Variants in PIK3CB observed in about 807,000 individuals in gnomAD.
The protein encoded by PIK3CB is phosphatidylinositol 4,5-bisphosphate 3-kinase catalytic subunit beta isoform.
A neutral mutation model predicts 136.8 loss-of-function variants in PIK3CB; 39 were observed. The ratio of observed to expected loss-of-function variants is 0.29; its 90% CI spans 0.22 to 0.37. The LOEUF is 0.37. Among genes scored for constraint, PIK3CB ranks in the 10% least tolerant of loss-of-function variants. PIK3CB has a pLI of 1.00. For synonymous variants in PIK3CB, 428 were observed against 436.6 expected (o/e 0.98, Z 0.25); for missense variants, 868 against 1,275.4 (o/e 0.68, Z 4.87).
Position 138,759,366 on chromosome 3 carries a change from A to G in PIK3CB, c.-16-7T>C. Reference sequence around the variant, plus strand: ...CATTCATAACCACGGGGCCCTAGAAATCAGTAATTAAAACATAGCAAAACA... The same window carrying G: ...CATTCATAACCACGGGGCCCTAGAAGTCAGTAATTAAAACATAGCAAAACA... On this transcript the variant is annotated splice_region_variant and splice_polypyrimidine_tract_variant and intron_variant, in intron 2 of 23. Transcript: ENST00000674063. The G allele has an allele frequency of 1.3e-6, 2 of 1,582,972 alleles. No homozygotes were observed. Among genetic ancestry groups the G allele is most frequent in the Non-Finnish European group, 1.7e-6 (2 of 1,158,700 alleles).
chr3:138,834,053 C>A (rs1004506304), intron 1 of PIK3CB, among the ~76,000 whole-genome samples: 2 of 152,190 alleles, frequency 1.3e-5, no homozygotes, highest in Admixed American at 6.5e-5. Context: ...CCCAAACGCA[C>A]GCCAGCAGCC....
At chr3:138,825,186 G>T in intron 1 of PIK3CB, 1 of 297,298 alleles carries the variant, frequency 3.4e-6, no homozygotes, top group South Asian at 6.6e-5. Context: ...ATGAAAATAT[G>T]AGAACAGCAA....
intron 1 of PIK3CB, among the ~76,000 whole-genome samples, chr3:138,830,898 T>C (rs1234095435): frequency 8.2e-6 from 1 of 122,466 alleles, no homozygotes; most frequent in African/African-American, 3.1e-5. Context: ...CGAAACTCCG[T>C]CTCAAAATAA....
At chr3:138,802,398 G>T (rs1249761004) in intron 1 of PIK3CB, among the ~76,000 whole-genome samples, 2 of 150,822 alleles carry the variant, frequency 1.3e-5, no homozygotes, top group Non-Finnish European at 3.0e-5. Context: ...AAGAAAGAAA[G>T]AAAGAAAAGG....
rs1279244386 is a variant in PIK3CB, at chr3:138,654,764, A to T, written c.*625T>A. 4.7e-6 allele frequency: 1 copy of T among 212,170 alleles called. No homozygotes were observed. Among genetic ancestry groups the T allele is most frequent in the Non-Finnish European group, 9.6e-6 (1 of 104,708 alleles). 13.1% of individuals were successfully genotyped at this position (212,170 alleles called of 1,614,324 possible). A position where few individuals can be genotyped will look rare whatever the true frequency, so the allele number is the denominator to read the frequency against. ...AAATATATATGTAGCATATTTATATATATTATATTTGCCTCACCAGTAGAT... is the reference window on the plus strand; with the variant it reads ...AAATATATATGTAGCATATTTATATTTATTATATTTGCCTCACCAGTAGAT... On this transcript the variant is annotated 3_prime_UTR_variant, in exon 24 of 24. Coordinates refer to ENST00000674063, the MANE Select transcript of PIK3CB (RefSeq NM_006219.3).
Position 138,654,760 on chromosome 3 carries a change from ATATATAT to A in PIK3CB, c.*622_*628del, listed in dbSNP as rs2108378784. On this transcript the variant is annotated 3_prime_UTR_variant, in exon 24 of 24. Coordinates refer to ENST00000674063, the MANE Select transcript of PIK3CB (RefSeq NM_006219.3). ...TTATAAATATATATGTAGCATATTT[ATATATAT>A]TATATTTGCCTCACCAGTAGATTTT... The A allele has an allele frequency of 4.7e-6, 1 of 212,020 alleles. No individual in the cohort carries two copies. Among genetic ancestry groups the A allele is most frequent in the Admixed American group, 5.9e-5 (1 of 17,026 alleles). The allele number at this position is 212,020 out of a possible 1,614,324, so 13.1% of individuals were successfully genotyped here.
intron 1 of PIK3CB, among the ~76,000 whole-genome samples, chr3:138,830,885 G>C (rs1293277688): frequency 6.8e-6 from 1 of 147,230 alleles, no homozygotes; most frequent in Non-Finnish European, 1.5e-5. Flanking sequence ...CTGGGCAACA[G>C]AGCGAAACTC....
intron 19 of PIK3CB, among the ~76,000 whole-genome samples, chr3:138,681,110 A>C (rs2043770677): frequency 6.9e-6 from 1 of 145,650 alleles, no homozygotes; most frequent in African/African-American, 2.6e-5. Flanking sequence ...GTAGTGGTGC[A>C]ATCTCTGTTC....
At chr3:138,665,818 C>T (rs1028661284) in intron 19 of PIK3CB, among the ~76,000 whole-genome samples, 1 of 152,208 alleles carries the variant, frequency 6.6e-6, no homozygotes, top group African/African-American at 2.4e-5. Context: ...GATCCTCTCA[C>T]CCCAGCCTCC....
chr3:138,663,859 G>C, intron 21 of PIK3CB, 47 bp downstream of exon 21: 1 of 1,578,650 alleles, frequency 6.3e-7, no homozygotes, highest in Non-Finnish European at 8.6e-7. Context: ...CTATACATAA[G>C]AAATAGCATT....
chr3:138,734,902 G>T, intron 6 of PIK3CB, 98 bp from the exon 7 acceptor site: 1 of 690,236 alleles, frequency 1.4e-6, no homozygotes, highest in Non-Finnish European at 2.2e-6. Flanking sequence ...AATGCACTGT[G>T]AAAGTATGTC....
intron 1 of PIK3CB, among the ~76,000 whole-genome samples, chr3:138,803,310 G>A (rs927431089): frequency 1.2e-4 from 19 of 152,210 alleles, no homozygotes; most frequent in East Asian, 3.8e-4. Context: ...CTCACCTTAT[G>A]AAACTTATGT....
In PIK3CB at chr3:138,715,149, C is replaced by T. The variant is rs372484790; in HGVS notation, c.1051-430G>A. Among the ~76,000 whole-genome samples the T allele has an allele frequency of 2.4e-4, 36 of 152,256 alleles. 1 individual carries two copies. In the East Asian group the frequency reaches 6.7e-3, roughly 29 times the overall value. ...AGGAAAGAATGAATGGATGAGATGG[C>T]TCCAAAGTTTCTTTCTACTTCTAAA... On this transcript the variant is annotated intron_variant, in intron 8 of 23. Coordinates refer to ENST00000674063, the MANE Select transcript of PIK3CB (RefSeq NM_006219.3).
At chr3:138,793,621 A>T (rs970968944) in intron 2 of PIK3CB, among the ~76,000 whole-genome samples, 1 of 148,452 alleles carries the variant, frequency 6.7e-6, no homozygotes, top group Non-Finnish European at 1.5e-5. Context: ...AAAAAAAAAA[A>T]GTTTAAACCT....
chr3:138,653,063 C>T lies in PIK3CB; in HGVS notation c.*2326G>A. 5.1e-6 allele frequency: 1 copy of T among 197,462 alleles called. No homozygotes were observed. Among genetic ancestry groups the T allele is most frequent in the Non-Finnish European group, 1.0e-5 (1 of 95,518 alleles). The allele number at this position is 197,462 out of a possible 1,614,324, so 12.2% of individuals were successfully genotyped here. On this transcript the variant is annotated 3_prime_UTR_variant, in exon 24 of 24. Transcript: ENST00000674063. ...ATGCATAATATGTAAACACAGAATA[C>T]TATAAATCATTGCGGATATAAATGA...
At chr3:138,784,470 C>G (rs557979313) in intron 2 of PIK3CB, among the ~76,000 whole-genome samples, 31 of 152,274 alleles carry the variant, frequency 2.0e-4, no homozygotes, top group African/African-American at 7.0e-4. Context: ...CGGTCTCCCT[C>G]TGATGCCGAG....
At chr3:138,737,050 A>G (rs958423097) in intron 6 of PIK3CB, among the ~76,000 whole-genome samples, 1 of 152,186 alleles carries the variant, frequency 6.6e-6, no homozygotes, top group Admixed American at 6.5e-5. Flanking sequence ...AAAAAAATTC[A>G]TAATGATATA....
intron 16 of PIK3CB, 96 bp downstream of exon 16, chr3:138,688,778 AC>A: frequency 2.8e-6 from 2 of 705,050 alleles, no homozygotes; most frequent in South Asian, 3.6e-5. Flanking sequence ...AACACCAAGT[AC>A]CAAATTGAAC....
intron 14 of PIK3CB, among the ~76,000 whole-genome samples, chr3:138,693,709 A>G (rs778621340): frequency 2.6e-5 from 4 of 151,836 alleles, no homozygotes; most frequent in Non-Finnish European, 4.4e-5. Flanking sequence ...CATCTGGCCA[A>G]ATTTTTAAAA....
Sources: gnomAD v4.1 joint callset for allele counts (sites outside exome capture counted in the v4.1 genomes callset) on GRCh38, gnomAD v4.1.1 for gene constraint, MANE v1.5 for transcripts, NCBI Gene and HGNC (gene_info 2026-07-23, HGNC 2026-07-21) for gene names.